Variants in CDC42EP4 observed in about 807,000 individuals in gnomAD.
CDC42EP4 encodes the protein CDC42 effector protein (Rho GTPase binding) 4.
In CDC42EP4, 6 loss-of-function variants were observed where a neutral mutation model predicts 5.6. That is an observed-to-expected ratio of 1.07 (90% CI 0.59 to 2.12). The LOEUF (loss-of-function observed/expected upper bound fraction) is 2.12. Ranked by LOEUF, CDC42EP4 falls within the 30% of genes most tolerant of loss-of-function variation. The probability of loss-of-function intolerance (pLI) is 0.00; values close to 1 mark genes in which losing one functional copy is unlikely to be tolerated. For missense variants in CDC42EP4, 490 were observed against 508.6 expected, an observed-to-expected ratio of 0.96 and a Z score of 0.35; for synonymous variants, 230 against 224.2, an observed-to-expected ratio of 1.03 and a Z score of -0.23.
chr17:73,298,914 G>GGA (rs2062202378), intron 1 of CDC42EP4, among the ~76,000 whole-genome samples: 1 of 152,068 alleles, frequency 6.6e-6, no homozygotes, highest in African/African-American at 2.4e-5. Context: ...AACGAGAAAC[G>GGA]GAGACTCAGA....
intron 1 of CDC42EP4, among the ~76,000 whole-genome samples, chr17:73,295,400 C>T (rs1402725679): frequency 6.6e-6 from 1 of 152,154 alleles, no homozygotes; most frequent in Non-Finnish European, 1.5e-5. Context: ...CTGATGTTTG[C>T]TACCATCTTG....
Position 73,285,534 on chromosome 17 carries a change from G to A in CDC42EP4, c.967C>T (p.Pro323Ser), listed in dbSNP as rs373185360. The change falls in exon 2 of 2, where the codon CCT becomes TCT. Residue 323 changes from proline to serine, a missense_variant. Transcript: ENST00000335793. This position sits in a 1 kb window ranked among gnomAD's most constrained non-coding sequence, Gnocchi z 6.8. Reference sequence around the variant, plus strand: ...GCCCTGTCCGGCCCCCGGAAGGCAGGGCTGCGCTCCTCCAGGATGCCTGAG... The same window carrying A: ...GCCCTGTCCGGCCCCCGGAAGGCAGAGCTGCGCTCCTCCAGGATGCCTGAG... Reference protein sequence around the residue: ...CTSGILEERSPAFRGPDRARA... With the variant: ...CTSGILEERSSAFRGPDRARA... The A allele has an allele frequency of 4.3e-6, 7 of 1,611,592 alleles. No individual in the cohort carries two copies. Among genetic ancestry groups the A allele is most frequent in the South Asian group, 1.1e-5 (1 of 91,026 alleles).
intron 1 of CDC42EP4, chr17:73,311,522 G>C (rs1012691503): frequency 6.6e-6 from 1 of 152,290 alleles, no homozygotes; most frequent in Admixed American, 6.5e-5. Context: ...CCTGGGAAGG[G>C]GGAGGCCCTT....
intron 1 of CDC42EP4, chr17:73,309,985 C>G (rs148800625): frequency 6.6e-6 from 1 of 152,458 alleles, no homozygotes; most frequent in Admixed American, 6.5e-5. Context: ...TTGATGAGAG[C>G]AGGAACCGGC....
intron 1 of CDC42EP4, among the ~76,000 whole-genome samples, chr17:73,305,647 C>CA (rs572950804): frequency 8.7e-4 from 133 of 152,332 alleles, no homozygotes; most frequent in African/African-American, 2.5e-3. Flanking sequence ...ATTTGTGCCT[C>CA]AGTTTCCTCA....
intron 1 of CDC42EP4, among the ~76,000 whole-genome samples, chr17:73,291,312 G>C (rs2062160436): frequency 6.6e-6 from 1 of 152,164 alleles, no homozygotes; most frequent in South Asian, 2.1e-4. Flanking sequence ...AGCGAGGAGG[G>C]GGCTGCAGTA....
At chr17:73,287,902 C>T (rs528171650) in intron 1 of CDC42EP4, among the ~76,000 whole-genome samples, 1 of 152,298 alleles carries the variant, frequency 6.6e-6, no homozygotes, top group African/African-American at 2.4e-5. Flanking sequence ...TCCCTCCTGT[C>T]CATCCTTCAC....
At chr17:73,299,079 T>C (rs2062203428) in intron 1 of CDC42EP4, among the ~76,000 whole-genome samples, 1 of 151,688 alleles carries the variant, frequency 6.6e-6, no homozygotes, top group Admixed American at 6.6e-5. Context: ...GGCCTCAGTC[T>C]CCCAAGTAGC....
chr17:73,292,996 G>A (rs1599432604), intron 1 of CDC42EP4, among the ~76,000 whole-genome samples: 1 of 152,232 alleles, frequency 6.6e-6, no homozygotes, highest in Non-Finnish European at 1.5e-5. Context: ...GGGATTACAG[G>A]AGCCACTGCT....
intron 1 of CDC42EP4, among the ~76,000 whole-genome samples, chr17:73,301,489 G>A (rs1189206444): frequency 6.6e-6 from 1 of 152,180 alleles, no homozygotes; most frequent in Non-Finnish European, 1.5e-5. Flanking sequence ...GAATGGCTAG[G>A]TTGTTTCCAT....
At chr17:73,301,142 A>G (rs1371688229) in intron 1 of CDC42EP4, among the ~76,000 whole-genome samples, 2 of 152,244 alleles carry the variant, frequency 1.3e-5, no homozygotes, top group Non-Finnish European at 2.9e-5. Flanking sequence ...TTTAGTATAA[A>G]AAAAGAGGAT....
intron 1 of CDC42EP4, among the ~76,000 whole-genome samples, chr17:73,300,986 C>T (rs973378597): frequency 2.0e-5 from 3 of 150,864 alleles, no homozygotes; most frequent in African/African-American, 7.3e-5. Context: ...GCAGAGTTTG[C>T]GGTGAGCAGA....
chr17:73,304,261 C>G (rs1164259864), intron 1 of CDC42EP4, among the ~76,000 whole-genome samples: 1 of 147,648 alleles, frequency 6.8e-6, no homozygotes, highest in Non-Finnish European at 1.5e-5. Context: ...ATTAAACTGT[C>G]TCTTTTCTTC....
chr17:73,286,388 A>T lies in CDC42EP4; in HGVS notation c.113T>A (p.Met38Lys). 6.2e-7 allele frequency: 1 copy of T among 1,614,042 alleles called. No individual in the cohort carries two copies. The highest frequency in any genetic ancestry group is 8.5e-7 in the Non-Finnish European group (1 of 1,180,028). Reference sequence around the variant, plus strand: ...GGCGTCTCCGGCCCGGCCAACGTGCATGGTGTGGCGGAAGTCGCCCAGCGG... The same window carrying T: ...GGCGTCTCCGGCCCGGCCAACGTGCTTGGTGTGGCGGAAGTCGCCCAGCGG... ...SAPLGDFRHTMHVGRAGDAFG... is the reference protein window; with the variant it reads ...SAPLGDFRHTKHVGRAGDAFG... Residue 38 changes from methionine to lysine, a missense_variant, in exon 2 of 2, where the codon ATG becomes AAG. Transcript: ENST00000335793. The surrounding 1 kb of genome is among the most constrained non-coding windows in gnomAD (Gnocchi z 7.7).
intron 1 of CDC42EP4, among the ~76,000 whole-genome samples, chr17:73,298,176 C>T (rs2062198591): frequency 6.6e-6 from 1 of 151,704 alleles, no homozygotes; most frequent in Admixed American, 6.6e-5. Context: ...GAAAATCTCC[C>T]ACTGATGTCT....
chr17:73,309,038 CAAAAAA>C (rs57714877), intron 1 of CDC42EP4, among the ~76,000 whole-genome samples: 10 of 33,990 alleles, frequency 2.9e-4, no homozygotes, highest in Non-Finnish European at 4.4e-4. Context: ...GCTCTGTCTC[CAAAAAA>C]AAAAAAAAAA....
At chr17:73,296,980 CAAAAAAA>C (rs35158994) in intron 1 of CDC42EP4, among the ~76,000 whole-genome samples, 2 of 18,134 alleles carry the variant, frequency 1.1e-4, no homozygotes, top group South Asian at 3.0e-3. Flanking sequence ...GACTCCGTCT[CAAAAAAA>C]AAAAAAAAAA....
In CDC42EP4 at chr17:73,285,865, G is replaced by A; in HGVS notation, c.636C>T (p.Asp212=). The A allele has an allele frequency of 6.2e-7, 1 of 1,614,086 alleles. No individual in the cohort carries two copies. Among genetic ancestry groups the A allele is most frequent in the South Asian group, 1.1e-5 (1 of 91,082 alleles). The change falls in exon 2 of 2, where the codon GAC becomes GAT. Residue 212 remains aspartate (D), a synonymous_variant. Transcript: ENST00000335793. The surrounding 1 kb of genome is among the most constrained non-coding windows in gnomAD (Gnocchi z 6.8). ...CGTCACCCAGCATGGAGGGCCCCAG[G>A]TCGATGTGGAAGGACATGATGGACT... ...HAESIMSFHI[D]LGPSMLGDVL...
rs762210551 is a variant in CDC42EP4 at position 73,286,117 on chromosome 17, C to T, written c.384G>A (p.Ala128=). Reference sequence around the variant, plus strand: ...TGGGCAGCTTACTGGTGCCCTTCTCCGCGGCCTCCTTCTCATTGAGCTGGG... The same window carrying T: ...TGGGCAGCTTACTGGTGCCCTTCTCTGCGGCCTCCTTCTCATTGAGCTGGG... ...SLPQLNEKEA[A]EKGTSKLPKS... The change falls in exon 2 of 2, where the codon GCG becomes GCA. Residue 128 remains alanine, a synonymous_variant. Transcript: ENST00000335793. The surrounding 1 kb of genome is among the most constrained non-coding windows in gnomAD (Gnocchi z 7.7). 12 of 1,613,912 alleles carry T rather than the reference C, an allele frequency of 7.4e-6. No individual in the cohort carries two copies. The highest frequency in any genetic ancestry group is 2.7e-5 in the African/African-American group (2 of 74,916).
Sources: allele counts gnomAD v4.1 joint callset (sites outside exome capture counted in the v4.1 genomes callset), GRCh38; gene constraint gnomAD v4.1.1; non-coding constraint Gnocchi (gnomAD v3.1); transcripts MANE v1.5; gene names NCBI Gene and HGNC (gene_info 2026-07-23, HGNC 2026-07-21).